Variants in TBC1D22A observed in about 807,000 individuals in gnomAD.
The protein encoded by TBC1D22A is TBC1 domain family member 22A, also known as putative GTPase activator.
In TBC1D22A, 38 loss-of-function variants were observed where a neutral mutation model predicts 60.2. That is an observed-to-expected ratio of 0.63 (90% CI 0.49 to 0.83). The LOEUF (loss-of-function observed/expected upper bound fraction) is 0.83. Among genes scored for constraint, TBC1D22A ranks in the 40% least tolerant of loss-of-function variants. The probability of loss-of-function intolerance (pLI) is 0.00; values close to 1 mark genes in which losing one functional copy is unlikely to be tolerated. For synonymous variants in TBC1D22A, 302 were observed against 281.7 expected, an observed-to-expected ratio of 1.07 and a Z score of -0.72; for missense variants, 628 against 701.0, an observed-to-expected ratio of 0.90 and a Z score of 1.18.
At chr22:46,771,007 T>A (rs1465470497) in intron 1 of TBC1D22A, among the ~76,000 whole-genome samples, 1 of 152,210 alleles carries the variant, frequency 6.6e-6, no homozygotes, top group East Asian at 1.9e-4. Flanking sequence ...CTTTTCTTGT[T>A]CCTTTCAGCG....
At chr22:47,034,608 G>A (rs1011665584) in intron 10 of TBC1D22A, among the ~76,000 whole-genome samples, 8 of 152,304 alleles carry the variant, frequency 5.3e-5, no homozygotes, top group Middle Eastern at 3.4e-3. Flanking sequence ...GGGCCCCTGC[G>A]TTCCCTGTGC....
At chr22:46,822,278 T>C (rs193034988) in intron 4 of TBC1D22A, among the ~76,000 whole-genome samples, 4 of 152,264 alleles carry the variant, frequency 2.6e-5, no homozygotes, top group Non-Finnish European at 5.9e-5. Flanking sequence ...TTCTGTGCCC[T>C]TGATGGAGAG....
intron 11 of TBC1D22A, among the ~76,000 whole-genome samples, chr22:47,063,738 G>A (rs1019032709): frequency 6.6e-6 from 1 of 152,136 alleles, no homozygotes; most frequent in South Asian, 2.1e-4. Context: ...GGGCTGGTTC[G>A]CTCTGGAAGC....
At chr22:46,837,408 T>G (rs1294284586) in intron 4 of TBC1D22A, among the ~76,000 whole-genome samples, 1 of 152,118 alleles carries the variant, frequency 6.6e-6, no homozygotes, top group African/African-American at 2.4e-5. Flanking sequence ...TAACAAGATA[T>G]AGACAGACCA....
chr22:46,853,915 A>G (rs2087425116), intron 4 of TBC1D22A, among the ~76,000 whole-genome samples: 1 of 152,206 alleles, frequency 6.6e-6, no homozygotes, highest in African/African-American at 2.4e-5. Context: ...TTTCTCAGCC[A>G]TGCCGCATGA....
intron 11 of TBC1D22A, among the ~76,000 whole-genome samples, chr22:47,100,928 C>G (rs1454747654): frequency 1.3e-5 from 2 of 152,156 alleles, no homozygotes; most frequent in Non-Finnish European, 2.9e-5. Flanking sequence ...CAGTTAGAGC[C>G]TCGGCTGAAT....
chr22:46,938,727 A>G (rs1245943676), intron 8 of TBC1D22A, among the ~76,000 whole-genome samples: 2 of 151,942 alleles, frequency 1.3e-5, no homozygotes, highest in Non-Finnish European at 2.9e-5. Flanking sequence ...CTGGGATTAC[A>G]GGCACCTGCC....
chr22:46,953,779 A>G (rs954464884), intron 8 of TBC1D22A, among the ~76,000 whole-genome samples: 1 of 152,238 alleles, frequency 6.6e-6, no homozygotes, highest in Non-Finnish European at 1.5e-5. Context: ...TGTCAAAGTT[A>G]GCCAAATCTA....
At chr22:47,134,850 G>C (rs563575251) in intron 12 of TBC1D22A, among the ~76,000 whole-genome samples, 1 of 152,350 alleles carries the variant, frequency 6.6e-6, no homozygotes, top group South Asian at 2.1e-4. Flanking sequence ...ACAGCCTCCA[G>C]GGTCCTCTGC....
chr22:46,853,349 C>T (rs957814933), intron 4 of TBC1D22A, among the ~76,000 whole-genome samples: 4 of 152,214 alleles, frequency 2.6e-5, no homozygotes, highest in African/African-American at 9.6e-5. Flanking sequence ...CATGAAGCCG[C>T]CTCCTTCAGG....
rs1051066474 is a variant in TBC1D22A at position 47,028,449 on chromosome 22, G to A, written c.1202-8622G>A. ...GCGAGTGGTCGCATTCCTGTCCCTCGGTCCCTGTCCCCCACGGCCCAGGTT... is the reference window on the plus strand; with the variant it reads ...GCGAGTGGTCGCATTCCTGTCCCTCAGTCCCTGTCCCCCACGGCCCAGGTT... On this transcript the variant is annotated intron_variant, in intron 10 of 12. Coordinates refer to ENST00000337137, the MANE Select transcript of TBC1D22A (RefSeq NM_014346.5). The surrounding 1 kb of genome is among the most constrained non-coding windows in gnomAD (Gnocchi z 4.4). Among the ~76,000 whole-genome samples the A allele has an allele frequency of 8.1e-6, 1 of 123,550 alleles. No individual in the cohort carries two copies. The highest frequency in any genetic ancestry group is 1.6e-5 in the Non-Finnish European group (1 of 62,060). The allele number at this position is 123,550 out of a possible 152,430, so 81.1% of individuals were successfully genotyped here. A position where few individuals can be genotyped will look rare whatever the true frequency, so the allele number is the denominator to read the frequency against.
chr22:46,988,584 T>C (rs1379503498), intron 9 of TBC1D22A, among the ~76,000 whole-genome samples: 1 of 152,224 alleles, frequency 6.6e-6, no homozygotes, highest in Non-Finnish European at 1.5e-5. Context: ...AGGTGCATTG[T>C]CCATGAGCAG....
chr22:47,146,546 C>T (rs1412603848), intron 12 of TBC1D22A, among the ~76,000 whole-genome samples: 1 of 152,266 alleles, frequency 6.6e-6, no homozygotes, highest in East Asian at 1.9e-4. Context: ...ACAACTCAAT[C>T]TCCACCCCAG....
intron 11 of TBC1D22A, among the ~76,000 whole-genome samples, chr22:47,037,407 A>G (rs966434637): frequency 6.6e-6 from 1 of 152,096 alleles, no homozygotes; most frequent in Non-Finnish European, 1.5e-5. Context: ...AGGTGGGTGG[A>G]TTGCCTGAGC....
At chr22:47,077,335 C>A (rs1048340318) in intron 11 of TBC1D22A, among the ~76,000 whole-genome samples, 4 of 152,164 alleles carry the variant, frequency 2.6e-5, no homozygotes, top group African/African-American at 9.7e-5. Flanking sequence ...TCAGTCTTCA[C>A]CAGTATGTGA....
chr22:47,026,283 G>C (rs951165540), intron 10 of TBC1D22A, among the ~76,000 whole-genome samples: 1 of 152,226 alleles, frequency 6.6e-6, no homozygotes, highest in East Asian at 1.9e-4. Context: ...TAATAGGAAA[G>C]GGAGGGTGTC....
chr22:46,812,975 C>G (rs1484318531), intron 4 of TBC1D22A, among the ~76,000 whole-genome samples: 4 of 152,216 alleles, frequency 2.6e-5, no homozygotes, highest in Admixed American at 2.6e-4. Flanking sequence ...CTGTCGTGTC[C>G]GGAGCTGTCC....
intron 4 of TBC1D22A, among the ~76,000 whole-genome samples, chr22:46,811,244 G>A (rs959051180): frequency 6.6e-6 from 1 of 152,222 alleles, no homozygotes; most frequent in Non-Finnish European, 1.5e-5. Flanking sequence ...GGAGTGGTAA[G>A]GAGCTGTCAG....
In TBC1D22A at chr22:46,777,909, T is replaced by A. The variant is rs1448676210; in HGVS notation, c.63-14611T>A. 2.6e-5 allele frequency among the ~76,000 whole-genome samples: 4 copies of A among 152,214 alleles called. No individual in the cohort carries two copies. Among genetic ancestry groups the A allele is most frequent in the Non-Finnish European group, 5.9e-5 (4 of 68,046 alleles). On this transcript the variant is annotated intron_variant, in intron 1 of 12. Coordinates refer to ENST00000337137, the MANE Select transcript of TBC1D22A (RefSeq NM_014346.5). The surrounding 1 kb of genome is among the most constrained non-coding windows in gnomAD (Gnocchi z 4.5). ...ACAAACCCAGGTAGAGTTAGCGCAG[T>A]GTCGCCTGCTGCACACCTAGGCTGT...
Sources: allele counts gnomAD v4.1 joint callset (sites outside exome capture counted in the v4.1 genomes callset), GRCh38; gene constraint gnomAD v4.1.1; non-coding constraint Gnocchi (gnomAD v3.1); transcripts MANE v1.5; gene names NCBI Gene and HGNC (gene_info 2026-07-23, HGNC 2026-07-21).